Variants in HDAC9 observed in about 807,000 individuals in gnomAD.
HDAC9 encodes MEF-2 interacting transcription repressor (MITR) protein.
HDAC9 carries 41 observed loss-of-function variants against 139.4 expected under a neutral mutation model. The observed-to-expected ratio is 0.29, with a 90% CI of 0.23 to 0.38. The LOEUF (loss-of-function observed/expected upper bound fraction) is 0.38, where lower values mean the gene tolerates loss of function less well. HDAC9 is among the 10% of genes least tolerant of loss of function. The probability of loss-of-function intolerance (pLI) is 1.00; values close to 1 mark genes in which losing one functional copy is unlikely to be tolerated. For missense variants in HDAC9, 1,147 were observed against 1,297.0 expected, an observed-to-expected ratio of 0.88 and a Z score of 1.78; for synonymous variants, 517 against 476.2, an observed-to-expected ratio of 1.09 and a Z score of -1.12.
intron 2 of HDAC9, among the ~76,000 whole-genome samples, chr7:18,176,275 G>A (rs1788894441): frequency 6.6e-6 from 1 of 152,086 alleles, no homozygotes; most frequent in South Asian, 2.1e-4. Flanking sequence ...GAGATCTCCA[G>A]TGCTTTCTGA....
At chr7:18,378,433 A>T (rs1349753367) in intron 1 of HDAC9, among the ~76,000 whole-genome samples, 1 of 152,052 alleles carries the variant, frequency 6.6e-6, no homozygotes, top group Non-Finnish European at 1.5e-5. Context: ...GTTTTACTAC[A>T]CTGCTAATCA....
At chr7:18,877,915 A>G (rs1799441106) in intron 22 of HDAC9, among the ~76,000 whole-genome samples, 1 of 152,176 alleles carries the variant, frequency 6.6e-6, no homozygotes, top group Non-Finnish European at 1.5e-5. Flanking sequence ...TTAATCAACA[A>G]TCTGAATTAC....
At chr7:18,359,659 A>G (rs1305164857) in intron 1 of HDAC9, among the ~76,000 whole-genome samples, 1 of 152,112 alleles carries the variant, frequency 6.6e-6, no homozygotes, top group African/African-American at 2.4e-5. Flanking sequence ...CCCAGGCTGG[A>G]GTGCAGTGGC....
intron 1 of HDAC9, among the ~76,000 whole-genome samples, chr7:18,335,122 G>T (rs577018724): frequency 6.6e-6 from 1 of 151,584 alleles, no homozygotes; most frequent in East Asian, 1.9e-4. Context: ...TCTTCATATT[G>T]AAAGTGAGAA....
rs757689693 is a variant in HDAC9 at position 18,719,331 on chromosome 7, C to CTTT, written c.1732-8225_1732-8223dup. On this transcript the variant is annotated intron_variant, in intron 12 of 25. Coordinates refer to ENST00000686413, the MANE Select transcript of HDAC9 (RefSeq NM_178425.4). ...CTAATTAACCTATTTTTTTCTCTTC[C>CTTT]TTTTTTTTTTTTTTTTTTTTTTTTT... Among the ~76,000 whole-genome samples, 306 of 73,898 alleles carry CTTT rather than the reference C, an allele frequency of 4.1e-3. 23 individuals are homozygous for CTTT. Among genetic ancestry groups the CTTT allele is most frequent in the African/African-American group, 0.019 (290 of 15,194 alleles). The allele number at this position is 73,898 out of a possible 152,430, so 48.5% of individuals were successfully genotyped here.
At chr7:18,577,126 A>G (rs1826222422) in intron 2 of HDAC9, among the ~76,000 whole-genome samples, 3 of 152,222 alleles carry the variant, frequency 2.0e-5, no homozygotes, top group African/African-American at 7.2e-5. Flanking sequence ...TCTCACAACT[A>G]AATAGGCCAG....
chr7:18,821,384 A>G (rs941064111), intron 17 of HDAC9, among the ~76,000 whole-genome samples: 1 of 152,134 alleles, frequency 6.6e-6, no homozygotes, highest in Non-Finnish European at 1.5e-5. Flanking sequence ...TGTGTGGATA[A>G]GGAGGCATTA....
At chr7:18,774,654 A>G (rs548720186) in intron 16 of HDAC9, among the ~76,000 whole-genome samples, 1 of 152,192 alleles carries the variant, frequency 6.6e-6, no homozygotes, top group African/African-American at 2.4e-5. Flanking sequence ...TTTTGCTTCA[A>G]TATTGAGGGC....
At chr7:18,969,523 G>C (rs932734058) in intron 24 of HDAC9, among the ~76,000 whole-genome samples, 36 of 152,002 alleles carry the variant, frequency 2.4e-4, no homozygotes, top group African/African-American at 8.7e-4. Context: ...AAATTACTAG[G>C]CATGCAAAAA....
At chr7:18,352,129 T>A (rs1047029173) in intron 1 of HDAC9, among the ~76,000 whole-genome samples, 1 of 152,242 alleles carries the variant, frequency 6.6e-6, no homozygotes, top group Non-Finnish European at 1.5e-5. Context: ...GTTTCTGAAC[T>A]GTTCTTTGTG....
intron 22 of HDAC9, among the ~76,000 whole-genome samples, chr7:18,883,243 C>A (rs1366820811): frequency 6.6e-6 from 1 of 152,040 alleles, no homozygotes; most frequent in African/African-American, 2.4e-5. Flanking sequence ...AGTTAACTGA[C>A]AGTTAACTAT....
chr7:18,979,136 C>T (rs1784737909), intron 25 of HDAC9, among the ~76,000 whole-genome samples: 1 of 152,012 alleles, frequency 6.6e-6, no homozygotes. Flanking sequence ...TTAGATAATA[C>T]AGAAACATGA....
intron 11 of HDAC9, among the ~76,000 whole-genome samples, chr7:18,657,191 G>A (rs904050683): frequency 6.6e-5 from 10 of 151,946 alleles, no homozygotes; most frequent in African/African-American, 2.4e-4. Flanking sequence ...CTTGTCAGAG[G>A]GGTAATTTGC....
At chr7:18,648,719 C>A in intron 11 of HDAC9, 36 bp downstream of exon 11, 1 of 1,561,828 alleles carries the variant, frequency 6.4e-7, no homozygotes, top group Non-Finnish European at 8.7e-7. Context: ...GTTCTAACCG[C>A]CAGTTTGGAA....
chr7:18,738,932 C>T (rs1313920498), intron 13 of HDAC9, among the ~76,000 whole-genome samples: 5 of 152,154 alleles, frequency 3.3e-5, no homozygotes, highest in Non-Finnish European at 1.5e-5. Context: ...CACATAGTCC[C>T]ATATTTCTTG....
chr7:18,387,736 G>T (rs1021704933), intron 1 of HDAC9, among the ~76,000 whole-genome samples: 1 of 152,122 alleles, frequency 6.6e-6, no homozygotes, highest in Non-Finnish European at 1.5e-5. Flanking sequence ...AATAATATCA[G>T]TTGGTATAGG....
intron 2 of HDAC9, among the ~76,000 whole-genome samples, chr7:18,230,296 C>G (rs1241421422): frequency 6.6e-6 from 1 of 152,182 alleles, no homozygotes; most frequent in Non-Finnish European, 1.5e-5. Context: ...TGGTTAAAAA[C>G]TGTTAATAGT....
At chr7:18,861,322 C>A (rs1239440548) in intron 21 of HDAC9, among the ~76,000 whole-genome samples, 1 of 152,090 alleles carries the variant, frequency 6.6e-6, no homozygotes, top group Non-Finnish European at 1.5e-5. Flanking sequence ...TTGTTTCTTT[C>A]TAGACTAGAT....
intron 2 of HDAC9, among the ~76,000 whole-genome samples, chr7:18,542,481 T>A (rs942909939): frequency 2.0e-5 from 3 of 152,216 alleles, no homozygotes; most frequent in Non-Finnish European, 4.4e-5. Context: ...TTAATACTAT[T>A]AAATGTTAGC....
Sources: allele counts gnomAD v4.1 joint callset (sites outside exome capture counted in the v4.1 genomes callset), GRCh38; gene constraint gnomAD v4.1.1; transcripts MANE v1.5; gene names NCBI Gene and HGNC (gene_info 2026-07-23, HGNC 2026-07-21).